Variants in TOGARAM1 observed in about 807,000 individuals in gnomAD.
The protein encoded by TOGARAM1 is TOG array regulator of axonemal microtubules 1, also known as TOG array regulator of axonemal microtubules protein 1.
A neutral mutation model predicts 166.6 loss-of-function variants in TOGARAM1; 100 were observed. The ratio of observed to expected loss-of-function variants is 0.60; its 90% CI spans 0.51 to 0.71. TOGARAM1 has a LOEUF of 0.71. TOGARAM1 is among the 30% of genes least tolerant of loss of function. TOGARAM1 has a pLI of 0.00. For synonymous variants in TOGARAM1, 758 were observed against 763.8 expected, an observed-to-expected ratio of 0.99 and a Z score of 0.13; for missense variants, 2,029 against 2,102.7, an observed-to-expected ratio of 0.96 and a Z score of 0.69.
intron 4 of TOGARAM1, 75 bp downstream of exon 4, chr14:45,004,441 A>C: frequency 8.3e-7 from 1 of 1,209,118 alleles, no homozygotes; most frequent in South Asian, 1.5e-5. Flanking sequence ...GGGCTGTTAG[A>C]TCTTTAAAAG....
intron 14 of TOGARAM1, among the ~76,000 whole-genome samples, chr14:45,051,267 C>A (rs1566665131): frequency 1.3e-5 from 2 of 152,138 alleles, no homozygotes. Flanking sequence ...AGAATCAGAA[C>A]CCTGGTAAGT....
At chr14:44,966,017 G>A (rs1184742902) in intron 1 of TOGARAM1, among the ~76,000 whole-genome samples, 1 of 151,486 alleles carries the variant, frequency 6.6e-6, no homozygotes, top group South Asian at 2.1e-4. Context: ...TGAGATTACA[G>A]GCTCCCACCA....
At chr14:44,997,705 C>A (rs1170449588) in intron 2 of TOGARAM1, among the ~76,000 whole-genome samples, 1 of 151,574 alleles carries the variant, frequency 6.6e-6, no homozygotes, top group Non-Finnish European at 1.5e-5. Context: ...TATAAATGAC[C>A]ATATCATTTA....
chr14:45,060,069 C>T (rs1391689455), intron 16 of TOGARAM1, among the ~76,000 whole-genome samples: 2 of 151,608 alleles, frequency 1.3e-5, no homozygotes, highest in Non-Finnish European at 2.9e-5. Context: ...CCCGCCACCA[C>T]AACCAGCTAA....
intron 1 of TOGARAM1, among the ~76,000 whole-genome samples, chr14:44,970,982 T>C (rs116613076): frequency 0.061 from 9,311 of 152,244 alleles, 342 homozygotes; most frequent in African/African-American, 0.084. Context: ...ATAGGTGATA[T>C]TGGTCTGTGG....
intron 1 of TOGARAM1, among the ~76,000 whole-genome samples, chr14:44,994,687 G>C (rs1887332340): frequency 6.6e-6 from 1 of 152,154 alleles, no homozygotes; most frequent in Non-Finnish European, 1.5e-5. Context: ...CCAAAGTGCT[G>C]TGATTACAGG....
chr14:45,069,498 TA>T (rs941396785), intron 18 of TOGARAM1, among the ~76,000 whole-genome samples: 2 of 149,666 alleles, frequency 1.3e-5, no homozygotes, highest in African/African-American at 2.5e-5. Context: ...AAGCTCAACA[TA>T]AAAAAAAACT....
intron 7 of TOGARAM1, among the ~76,000 whole-genome samples, chr14:45,014,939 T>A (rs1221203435): frequency 1.3e-5 from 2 of 152,182 alleles, no homozygotes; most frequent in Non-Finnish European, 2.9e-5. Context: ...CTACAGTCCT[T>A]TCTAGCTTGT....
At chr14:45,048,753 G>C (rs556615085) in intron 14 of TOGARAM1, among the ~76,000 whole-genome samples, 4 of 151,902 alleles carry the variant, frequency 2.6e-5, no homozygotes, top group African/African-American at 9.7e-5. Flanking sequence ...GAGGCGGGTG[G>C]ATCACCTGAG....
At chr14:44,968,657 C>A (rs1041159312) in intron 1 of TOGARAM1, among the ~76,000 whole-genome samples, 1 of 152,160 alleles carries the variant, frequency 6.6e-6, no homozygotes, top group African/African-American at 2.4e-5. Flanking sequence ...CCACCTCATC[C>A]GGTACTTTAG....
rs200833388 is a variant in TOGARAM1, at chr14:45,027,331, A to G, written c.3361A>G (p.Thr1121Ala). 132 of 1,613,260 alleles carry G rather than the reference A, an allele frequency of 8.2e-5. No individual in the cohort carries two copies. In the Middle Eastern group the frequency reaches 1.3e-3, roughly 16 times the overall value. The stretch of plus-strand genomic sequence containing the variant: ...TGGAAGTTTAAGTTCAGCACCAGCA[A>G]CCTGCAGCCAATCAGTGATATCTTC... ...VFGSLSSAPATCSQSVISSVE... is the reference protein window; with the variant it reads ...VFGSLSSAPAACSQSVISSVE... Residue 1121 changes from threonine to alanine, a missense_variant, in exon 9 of 20, where the codon ACC becomes GCC. By Grantham distance (58) the Thr-to-Ala change is moderately conservative. This residue lies in a region of TOGARAM1 where 1,453 missense variants were observed against 1,432.2 expected (regional missense o/e 1.01). Transcript: ENST00000361462.
intron 1 of TOGARAM1, among the ~76,000 whole-genome samples, chr14:44,980,389 C>T (rs998751784): frequency 2.6e-5 from 4 of 152,112 alleles, no homozygotes; most frequent in Middle Eastern, 3.2e-3. Flanking sequence ...AGTGGCAGGC[C>T]GGGCGGGTGG....
chr14:45,047,264 C>A (rs1416485352), intron 14 of TOGARAM1, among the ~76,000 whole-genome samples: 1 of 151,568 alleles, frequency 6.6e-6, no homozygotes. Flanking sequence ...TGGTGGCAGG[C>A]GCCTGTAATC....
At chr14:45,032,201 T>G (rs1881201442) in intron 10 of TOGARAM1, 22 bp from the exon 11 acceptor site, 1 of 1,585,304 alleles carries the variant, frequency 6.3e-7, no homozygotes, top group Non-Finnish European at 8.5e-7. Context: ...TCTCATAGTT[T>G]ATTTAATGTA....
At chr14:45,014,043 C>CTTTT (rs33935090) in intron 7 of TOGARAM1, among the ~76,000 whole-genome samples, 8 of 127,870 alleles carry the variant, frequency 6.3e-5, no homozygotes, top group African/African-American at 1.2e-4. Context: ...GTTGCGTAAT[C>CTTTT]TTTTTTTTTT....
In TOGARAM1 at chr14:44,999,567, A is replaced by G. The variant is rs989430184; in HGVS notation, c.2338+70A>G. The G allele has an allele frequency of 2.2e-6, 3 of 1,335,202 alleles. No individual in the cohort carries two copies. In the African/African-American group the frequency reaches 4.4e-5, roughly 20 times the overall value. 82.7% of individuals were successfully genotyped at this position (1,335,202 alleles called of 1,614,324 possible). On this transcript the variant is annotated intron_variant, in intron 3 of 19. Transcript: ENST00000361462. ...TATGTGGGGATTCCAACACTAACTT[A>G]TATGATATTTTGTGTACTCATACTC...
chr14:45,007,203 G>C (rs1397147338), intron 5 of TOGARAM1: 4 of 151,874 alleles, frequency 2.6e-5, no homozygotes, highest in African/African-American at 9.7e-5. Context: ...TAATATTACT[G>C]TATATTCATT....
chr14:45,015,391 G>A (rs918210032), intron 7 of TOGARAM1, among the ~76,000 whole-genome samples: 2 of 150,990 alleles, frequency 1.3e-5, no homozygotes, highest in African/African-American at 4.8e-5. Flanking sequence ...TTGCTTAATA[G>A]TTTACATTGG....
rs770010220 is a variant in TOGARAM1, at chr14:45,008,979, A to G, written c.2971A>G (p.Thr991Ala). 1.9e-6 allele frequency: 3 copies of G among 1,614,134 alleles called. No homozygotes were observed. Among genetic ancestry groups the G allele is most frequent in the Non-Finnish European group, 2.5e-6 (3 of 1,179,998 alleles). ...GAAAAGAGCAAAACTGAGTGGCAGT[A>G]CTTCAGATCTTGAAAGCCCTGATTC... is the stretch of plus-strand genomic sequence containing the variant. ...AKKRAKLSGS[T>A]SDLESPDSAM... Residue 991 changes from threonine (T) to alanine (A), a missense_variant, in exon 6 of 20, where the codon ACT becomes GCT. By Grantham distance (58) the Thr-to-Ala change is moderately conservative. Transcript: ENST00000361462.
Sources: allele counts gnomAD v4.1 joint callset (sites outside exome capture counted in the v4.1 genomes callset), GRCh38; gene constraint gnomAD v4.1.1; regional missense constraint gnomAD v4.1.1; transcripts MANE v1.5; gene names NCBI Gene and HGNC (gene_info 2026-07-23, HGNC 2026-07-21).